PDZRN4: variants seen among roughly 807,000 people sequenced by gnomAD.
PDZRN4 encodes PDZ domain-containing RING finger protein 4.
Under a neutral mutation model 99.0 loss-of-function variants are expected in PDZRN4, and 70 were observed. That is an observed-to-expected ratio of 0.71 (90% CI 0.58 to 0.86). The LOEUF is 0.86. PDZRN4 is among the 40% of genes least tolerant of loss of function. The probability of loss-of-function intolerance (pLI) is 0.00; values close to 1 mark genes in which losing one functional copy is unlikely to be tolerated. For missense variants in PDZRN4, 1,474 were observed against 1,331.2 expected (o/e 1.11, Z -1.67); for synonymous variants, 551 against 501.6 (o/e 1.10, Z -1.32).
rs554800710 is a variant in PDZRN4 at position 41,405,855 on chromosome 12, C to A, written c.844-100601C>A. On this transcript the variant is annotated intron_variant, in intron 3 of 9. Coordinates refer to ENST00000402685, the MANE Select transcript of PDZRN4 (RefSeq NM_001164595.2). ...AGCAAATTAATGCAGAAACAGAAAACCAAATACCACATGTTCTCACTTATA... is the reference window on the plus strand; with the variant it reads ...AGCAAATTAATGCAGAAACAGAAAAACAAATACCACATGTTCTCACTTATA... 6.0e-4 allele frequency among the ~76,000 whole-genome samples: 91 copies of A among 151,996 alleles called. 1 individual carries two copies. Among genetic ancestry groups the A allele is most frequent in the Middle Eastern group, 3.4e-3 (1 of 294 alleles).
At chr12:41,244,305 ATACC>A (rs1179221843) in intron 3 of PDZRN4, among the ~76,000 whole-genome samples, 1 of 152,076 alleles carries the variant, frequency 6.6e-6, no homozygotes, top group Admixed American at 6.6e-5. Flanking sequence ...GAATATTTCA[ATACC>A]TTCTAACTGG....
At chr12:41,318,331 A>G (rs1164359066) in intron 3 of PDZRN4, among the ~76,000 whole-genome samples, 1 of 152,208 alleles carries the variant, frequency 6.6e-6, no homozygotes, top group African/African-American at 2.4e-5. Context: ...AATTATTTCC[A>G]TACTCTAATA....
At chr12:41,202,680 A>G (rs943627587) in intron 3 of PDZRN4, among the ~76,000 whole-genome samples, 3 of 152,118 alleles carry the variant, frequency 2.0e-5, no homozygotes, top group African/African-American at 7.2e-5. Context: ...TTATCTTCAT[A>G]TCAAACACAC....
chr12:41,482,558 C>A (rs530588612), intron 3 of PDZRN4, among the ~76,000 whole-genome samples: 117 of 152,162 alleles, frequency 7.7e-4, no homozygotes, highest in African/African-American at 2.1e-3. Flanking sequence ...TTATTTATTT[C>A]TCATAAAAGT....
At chr12:41,290,529 A>G (rs906671324) in intron 3 of PDZRN4, among the ~76,000 whole-genome samples, 1 of 152,156 alleles carries the variant, frequency 6.6e-6, no homozygotes, top group Admixed American at 6.5e-5. Flanking sequence ...AAAATTATAC[A>G]TCTTCATACA....
chr12:41,538,216 T>A (rs1183132634), intron 5 of PDZRN4, among the ~76,000 whole-genome samples: 1 of 152,110 alleles, frequency 6.6e-6, no homozygotes, highest in African/African-American at 2.4e-5. Flanking sequence ...AAAGTAACCA[T>A]CTTGATAATA....
chr12:41,522,270 C>A (rs1163638445), intron 5 of PDZRN4, among the ~76,000 whole-genome samples: 2 of 152,084 alleles, frequency 1.3e-5, no homozygotes, highest in Admixed American at 1.3e-4. Flanking sequence ...TTAACAAAAT[C>A]TCTCCCTCCA....
intron 3 of PDZRN4, among the ~76,000 whole-genome samples, chr12:41,333,436 G>A (rs1055554489): frequency 6.6e-5 from 10 of 152,078 alleles, no homozygotes; most frequent in African/African-American, 2.4e-4. Flanking sequence ...CTTGCTCCAT[G>A]AATGGGGAGA....
chr12:41,321,823 A>G (rs1226788660), intron 3 of PDZRN4, among the ~76,000 whole-genome samples: 1 of 152,174 alleles, frequency 6.6e-6, no homozygotes, highest in African/African-American at 2.4e-5. Context: ...CATCGAGGAT[A>G]TTTTGGAATT....
At chr12:41,551,363 T>A (rs1939051532) in intron 5 of PDZRN4, among the ~76,000 whole-genome samples, 1 of 152,134 alleles carries the variant, frequency 6.6e-6, no homozygotes, top group Non-Finnish European at 1.5e-5. Flanking sequence ...AGGTAAAATA[T>A]GTTGAAACCC....
intron 9 of PDZRN4, among the ~76,000 whole-genome samples, chr12:41,571,384 A>T (rs966151024): frequency 0.045 from 5,098 of 114,478 alleles, 210 homozygotes; most frequent in East Asian, 0.2. Context: ...TCTCACACAC[A>T]CACACACACA....
At chr12:41,426,269 G>C (rs182642328) in intron 3 of PDZRN4, among the ~76,000 whole-genome samples, 1 of 151,740 alleles carries the variant, frequency 6.6e-6, no homozygotes, top group Non-Finnish European at 1.5e-5. Flanking sequence ...GTTCGGTGGG[G>C]GCTTCTTTAT....
At chr12:41,231,321 A>G (rs1019415817) in intron 3 of PDZRN4, among the ~76,000 whole-genome samples, 3 of 152,140 alleles carry the variant, frequency 2.0e-5, no homozygotes, top group African/African-American at 7.2e-5. Context: ...CCTTTGTGCC[A>G]TCAGCATTAA....
intron 3 of PDZRN4, among the ~76,000 whole-genome samples, chr12:41,498,894 A>G (rs184530790): frequency 6.6e-6 from 1 of 152,288 alleles, no homozygotes; most frequent in East Asian, 1.9e-4. Flanking sequence ...TAATTTGCAA[A>G]GATAACAAAT....
chr12:41,560,212 A>G (rs980847220), intron 7 of PDZRN4, among the ~76,000 whole-genome samples: 1 of 151,988 alleles, frequency 6.6e-6, no homozygotes, highest in South Asian at 2.1e-4. Context: ...ATCTTTTCTT[A>G]TTGCCTAAGA....
At chr12:41,559,840 T>C (rs918024107) in intron 7 of PDZRN4, among the ~76,000 whole-genome samples, 1 of 152,148 alleles carries the variant, frequency 6.6e-6, no homozygotes, top group African/African-American at 2.4e-5. Flanking sequence ...GTTCTCGTGA[T>C]AGTGAGTGAG....
intron 2 of PDZRN4, among the ~76,000 whole-genome samples, chr12:41,192,695 G>A (rs957157580): frequency 6.6e-6 from 1 of 152,146 alleles, no homozygotes. Context: ...GTTGAAACAA[G>A]GGATGATTGA....
intron 3 of PDZRN4, among the ~76,000 whole-genome samples, chr12:41,271,362 A>G (rs1591992269): frequency 6.6e-6 from 1 of 152,132 alleles, no homozygotes; most frequent in East Asian, 1.9e-4. Flanking sequence ...GCCCTATTAA[A>G]TCACAACTGC....
chr12:41,422,369 T>G (rs1730785244), intron 3 of PDZRN4, among the ~76,000 whole-genome samples: 1 of 152,200 alleles, frequency 6.6e-6, no homozygotes, highest in Non-Finnish European at 1.5e-5. Flanking sequence ...TCTGGCTCCC[T>G]TCAGTAAATT....
Sources: allele counts gnomAD v4.1 joint callset (sites outside exome capture counted in the v4.1 genomes callset), GRCh38; gene constraint gnomAD v4.1.1; transcripts MANE v1.5; gene names NCBI Gene and HGNC (gene_info 2026-07-23, HGNC 2026-07-21).